Variants in EYS observed in about 807,000 individuals in gnomAD.
EYS encodes the protein EGF-like photoreceptor maintenance factor, also known as protein eyes shut homolog.
Under a neutral mutation model 282.1 loss-of-function variants are expected in EYS, and 250 were observed. That is an observed-to-expected ratio of 0.89 (90% CI 0.80 to 0.98). The LOEUF (loss-of-function observed/expected upper bound fraction) is 0.98. EYS is among the 50% of genes least tolerant of loss of function. EYS has a pLI of 0.00. For missense variants in EYS, 4,016 were observed against 3,709.0 expected, an observed-to-expected ratio of 1.08 and a Z score of -2.15; for synonymous variants, 1,355 against 1,282.9, an observed-to-expected ratio of 1.06 and a Z score of -1.20.
intron 31 of EYS, among the ~76,000 whole-genome samples, chr6:64,124,610 C>A (rs1408587674): frequency 6.6e-6 from 1 of 152,110 alleles, no homozygotes; most frequent in Non-Finnish European, 1.5e-5. Flanking sequence ...CTAGGCTCCC[C>A]CTAGACCATG....
intron 13 of EYS, among the ~76,000 whole-genome samples, chr6:65,002,283 G>T (rs2150128178): frequency 6.8e-6 from 1 of 147,568 alleles, no homozygotes; most frequent in South Asian, 2.2e-4. Context: ...AAGGTAATTT[G>T]AGAATTTCAG....
intron 32 of EYS, among the ~76,000 whole-genome samples, chr6:64,071,969 T>A (rs1174203656): frequency 2.0e-5 from 3 of 151,628 alleles, no homozygotes; most frequent in African/African-American, 7.3e-5. Context: ...AAAACATGGT[T>A]GAAGAAACAT....
intron 12 of EYS, among the ~76,000 whole-genome samples, chr6:65,235,882 AATCTTGAGGATCTTAATATT>A (rs1425401157): frequency 1.3e-5 from 2 of 152,040 alleles, no homozygotes; most frequent in Non-Finnish European, 2.9e-5. Context: ...AGGGAAAAAA[AATCTTGAGGATCTTAATATT>A]ACCAGAATTT....
At chr6:65,285,728 G>A (rs988046046) in intron 12 of EYS, among the ~76,000 whole-genome samples, 29 of 152,018 alleles carry the variant, frequency 1.9e-4, no homozygotes, top group African/African-American at 6.7e-4. Context: ...AATGTCCTAA[G>A]TGTACAAATC....
chr6:65,685,670 T>C (rs1768989661), intron 1 of EYS, among the ~76,000 whole-genome samples: 1 of 152,084 alleles, frequency 6.6e-6, no homozygotes. Context: ...TTTGTTGTTT[T>C]AACCTCTTTT....
At chr6:65,339,709 T>A (rs1770127917) in intron 10 of EYS, among the ~76,000 whole-genome samples, 1 of 150,848 alleles carries the variant, frequency 6.6e-6, no homozygotes, top group Non-Finnish European at 1.5e-5. Context: ...GCAGATTGAG[T>A]TATTATTGAG....
intron 30 of EYS, among the ~76,000 whole-genome samples, chr6:64,282,841 C>G (rs546922599): frequency 1.3e-5 from 2 of 152,276 alleles, no homozygotes; most frequent in African/African-American, 4.8e-5. Context: ...TACTATGAAT[C>G]TGATGAATTC....
intron 2 of EYS, among the ~76,000 whole-genome samples, chr6:65,502,473 C>A (rs1398449007): frequency 2.0e-5 from 3 of 151,480 alleles, no homozygotes; most frequent in Non-Finnish European, 4.4e-5. Flanking sequence ...ACCATATTGT[C>A]CAGTTTCTAT....
At chr6:64,736,959 A>G (rs1227976937) in intron 22 of EYS, among the ~76,000 whole-genome samples, 2 of 152,222 alleles carry the variant, frequency 1.3e-5, no homozygotes, top group Admixed American at 6.5e-5. Context: ...TTATCATTTT[A>G]TATTACCTTA....
intron 30 of EYS, among the ~76,000 whole-genome samples, chr6:64,297,978 A>G (rs1326690353): frequency 5.9e-5 from 1 of 17,062 alleles, no homozygotes. Flanking sequence ...ATTCTGTCTC[A>G]AAAAAAAAAA....
At chr6:65,664,182 T>C (rs1345079402) in intron 1 of EYS, among the ~76,000 whole-genome samples, 3 of 152,156 alleles carry the variant, frequency 2.0e-5, no homozygotes, top group African/African-American at 7.2e-5. Context: ...TAAATTTTTA[T>C]ATATTTCAAC....
intron 36 of EYS, among the ~76,000 whole-genome samples, chr6:63,849,181 C>A (rs1772177877): frequency 1.3e-5 from 2 of 152,290 alleles, no homozygotes; most frequent in South Asian, 4.1e-4. Context: ...AAGGCAGCAG[C>A]CCCAGTCAGA....
At chr6:65,070,862 C>T (rs372331469) in intron 12 of EYS, among the ~76,000 whole-genome samples, 1 of 151,816 alleles carries the variant, frequency 6.6e-6, no homozygotes, top group African/African-American at 2.4e-5. Context: ...ATGCCCGGCA[C>T]TATTCATAAT....
At chr6:65,040,977 A>G (rs1772916382) in intron 13 of EYS, among the ~76,000 whole-genome samples, 1 of 151,724 alleles carries the variant, frequency 6.6e-6, no homozygotes, top group Non-Finnish European at 1.5e-5. Flanking sequence ...AAAATCTAGA[A>G]TAGCATTATT....
At chr6:64,588,456 A>G (rs555443400) in intron 26 of EYS, among the ~76,000 whole-genome samples, 31 of 152,082 alleles carry the variant, frequency 2.0e-4, no homozygotes, top group Non-Finnish European at 4.1e-4. Flanking sequence ...GCAGAAGACT[A>G]GAAGACAACA....
chr6:65,075,171 C>T (rs1774010681), intron 12 of EYS, among the ~76,000 whole-genome samples: 1 of 151,932 alleles, frequency 6.6e-6, no homozygotes, highest in African/African-American at 2.4e-5. Flanking sequence ...ATTTTTGAAG[C>T]TCTTAGACTG....
chr6:65,141,756 T>C (rs537006138), intron 12 of EYS, among the ~76,000 whole-genome samples: 23 of 140,110 alleles, frequency 1.6e-4, no homozygotes, highest in African/African-American at 6.1e-4. Context: ...ATATTTCTCA[T>C]CAGAAGTTCG....
intron 28 of EYS, among the ~76,000 whole-genome samples, chr6:64,390,862 G>T (rs1040680865): frequency 2.1e-5 from 3 of 142,148 alleles, no homozygotes; most frequent in Non-Finnish European, 4.6e-5. Flanking sequence ...AGGCAAAGAA[G>T]TTGAAAACTT....
chr6:64,578,445 C>T (rs1299664009), intron 26 of EYS, among the ~76,000 whole-genome samples: 2 of 152,088 alleles, frequency 1.3e-5, no homozygotes, highest in Non-Finnish European at 2.9e-5. Context: ...ACAGCTAGCT[C>T]TCATCCTCTT....
Sources: allele counts gnomAD v4.1 joint callset (sites outside exome capture counted in the v4.1 genomes callset), GRCh38; gene constraint gnomAD v4.1.1; transcripts MANE v1.5; gene names NCBI Gene and HGNC (gene_info 2026-07-23, HGNC 2026-07-21).